Variants in SLC38A12 observed in about 807,000 individuals in gnomAD.
SLC38A12 encodes the protein solute carrier family 38 member 12, also known as putative sodium-coupled neutral amino acid transporter 12.
the SLC38A12 span, chr17:74,839,250 C>T: frequency 7.4e-6 from 10 of 1,345,814 alleles, no homozygotes; most frequent in Non-Finnish European, 9.9e-6. Context: ...ATGACGGGCC[C>T]CTAGCCACAC....
the SLC38A12 span, among the ~76,000 whole-genome samples, chr17:74,820,118 G>A: frequency 2.0e-5 from 3 of 152,236 alleles, no homozygotes; most frequent in Non-Finnish European, 4.4e-5. Flanking sequence ...GCCCAGGATT[G>A]TTCATTCTAG....
the SLC38A12 span, among the ~76,000 whole-genome samples, chr17:74,784,319 C>T: frequency 6.6e-6 from 1 of 151,972 alleles, no homozygotes; most frequent in East Asian, 1.9e-4. Flanking sequence ...CAGTCCAGGC[C>T]GGAAAGACTC....
At chr17:74,795,377 G>T in the SLC38A12 span, 1 of 702,454 alleles carries the variant, frequency 1.4e-6, no homozygotes, top group Non-Finnish European at 2.4e-6. Context: ...CAAGGAGGGT[G>T]CATCCTCAGA....
At chr17:74,787,490 C>T in the SLC38A12 span, among the ~76,000 whole-genome samples, 35 of 151,856 alleles carry the variant, frequency 2.3e-4, no homozygotes, top group African/African-American at 8.0e-4. Flanking sequence ...GGCGCGGTGG[C>T]GGGTGCCTGT....
chr17:74,831,256 A>ACCTGGACTCTGGTAC, the SLC38A12 span, among the ~76,000 whole-genome samples: 1 of 151,898 alleles, frequency 6.6e-6, no homozygotes, highest in African/African-American at 2.4e-5. Flanking sequence ...TGTACCTTCC[A>ACCTGGACTCTGGTAC]CCTGGACTCT....
At chr17:74,833,016 G>A in the SLC38A12 span, among the ~76,000 whole-genome samples, 94 of 77,560 alleles carry the variant, frequency 1.2e-3, no homozygotes, top group South Asian at 0.011. Context: ...CATATCCGTG[G>A]CTTGTTTGTT....
the SLC38A12 span, chr17:74,835,809 G>A: frequency 2.0e-6 from 3 of 1,492,702 alleles, no homozygotes; most frequent in South Asian, 2.7e-5. Context: ...GCATGAACAT[G>A]CATTTAATGA....
At chr17:74,812,587 C>T in the SLC38A12 span, among the ~76,000 whole-genome samples, 1 of 151,900 alleles carries the variant, frequency 6.6e-6, no homozygotes, top group Non-Finnish European at 1.5e-5. Context: ...TCTGGGGGAT[C>T]CTTTCTTTTA....
chr17:74,796,144 G>A, the SLC38A12 span, among the ~76,000 whole-genome samples: 3 of 152,168 alleles, frequency 2.0e-5, no homozygotes, highest in African/African-American at 7.2e-5. Flanking sequence ...TGAATCTCCA[G>A]GCTCGTTCTT....
At chr17:74,836,723 G>A in the SLC38A12 span, 2 of 1,551,446 alleles carry the variant, frequency 1.3e-6, no homozygotes, top group Non-Finnish European at 1.7e-6. The surrounding 1 kb of genome is among the most constrained non-coding windows in gnomAD (Gnocchi z 4.2). Flanking sequence ...AGGAGGCATA[G>A]GGGCCCCAGC....
At chr17:74,811,456 C>G in the SLC38A12 span, among the ~76,000 whole-genome samples, 1 of 151,670 alleles carries the variant, frequency 6.6e-6, no homozygotes, top group Non-Finnish European at 1.5e-5. Context: ...CATGGTGGCT[C>G]AGGCCTGTAA....
the SLC38A12 span, among the ~76,000 whole-genome samples, chr17:74,789,841 G>C: frequency 2.0e-5 from 2 of 97,886 alleles, no homozygotes; most frequent in African/African-American, 8.8e-5. Context: ...GCAAAACTTC[G>C]TCTCAAAAAA....
the SLC38A12 span, among the ~76,000 whole-genome samples, chr17:74,829,495 C>G: frequency 2.6e-5 from 4 of 152,102 alleles, no homozygotes; most frequent in African/African-American, 9.7e-5. This position sits in a 1 kb window ranked among gnomAD's most constrained non-coding sequence, Gnocchi z 4.1. Flanking sequence ...CCCTGGTGGT[C>G]AGCACGGCTC....
At chr17:74,792,949 G>C in the SLC38A12 span, among the ~76,000 whole-genome samples, 1 of 152,204 alleles carries the variant, frequency 6.6e-6, no homozygotes, top group Non-Finnish European at 1.5e-5. Flanking sequence ...CCAAATGCAA[G>C]CTTTAAAATA....
chr17:74,819,316 T>TTTC, the SLC38A12 span, among the ~76,000 whole-genome samples: 1 of 152,280 alleles, frequency 6.6e-6, no homozygotes, highest in Non-Finnish European at 1.5e-5. Flanking sequence ...CACTGTGTCC[T>TTTC]TTCTTCGCAG....
chr17:74,809,709 G>A, the SLC38A12 span, among the ~76,000 whole-genome samples: 6 of 152,298 alleles, frequency 3.9e-5, no homozygotes, highest in East Asian at 1.9e-4. Flanking sequence ...AGGGCTGCTT[G>A]AGAGCCCTGG....
At chr17:74,797,477 C>A in the SLC38A12 span, among the ~76,000 whole-genome samples, 15 of 152,330 alleles carry the variant, frequency 9.8e-5, no homozygotes, top group East Asian at 2.9e-3. Flanking sequence ...GGGCCAGTGA[C>A]AGTATCCTTC....
At chr17:74,812,004 C>A in the SLC38A12 span, among the ~76,000 whole-genome samples, 2 of 151,780 alleles carry the variant, frequency 1.3e-5, no homozygotes, top group Non-Finnish European at 2.9e-5. Context: ...TATGATCGCA[C>A]CACTGCACTC....
At chr17:74,806,712 C>T in the SLC38A12 span, among the ~76,000 whole-genome samples, 3 of 152,088 alleles carry the variant, frequency 2.0e-5, no homozygotes, top group South Asian at 6.2e-4. Flanking sequence ...CCATCAGGTT[C>T]CCCAGGAGGG....
Sources: allele counts gnomAD v4.1 joint callset (sites outside exome capture counted in the v4.1 genomes callset), GRCh38; gene constraint gnomAD v4.1.1; non-coding constraint Gnocchi (gnomAD v3.1); transcripts MANE v1.5; gene names NCBI Gene and HGNC (gene_info 2026-07-23, HGNC 2026-07-21).